Variants in PPP2R2C observed in about 807,000 individuals in gnomAD.
PPP2R2C encodes protein phosphatase 2 regulatory subunit Bgamma, also known as protein phosphatase 2, regulatory subunit B, gamma.
In PPP2R2C, 10 loss-of-function variants were observed where a neutral mutation model predicts 45.3. The observed-to-expected ratio is 0.22, with a 90% CI of 0.14 to 0.37. PPP2R2C has a LOEUF of 0.37. PPP2R2C is among the 10% of genes least tolerant of loss of function. The pLI is 1.00. For missense variants in PPP2R2C, 308 were observed against 619.7 expected (o/e 0.50, Z 5.34); for synonymous variants, 257 against 245.4 (o/e 1.05, Z -0.44).
chr4:6,552,206 C>A (rs1375626117), intron 1 of PPP2R2C, among the ~76,000 whole-genome samples: 3 of 152,210 alleles, frequency 2.0e-5, no homozygotes, highest in African/African-American at 7.2e-5. Context: ...CATTTGTTCT[C>A]ATTGTGTAAG....
intron 6 of PPP2R2C, among the ~76,000 whole-genome samples, chr4:6,335,294 G>T: frequency 6.6e-6 from 1 of 152,182 alleles, no homozygotes; most frequent in Non-Finnish European, 1.5e-5. Context: ...GCTGGGGGCT[G>T]GTAGTTTAGG....
intron 1 of PPP2R2C, among the ~76,000 whole-genome samples, chr4:6,438,993 C>T (rs1720023000): frequency 6.6e-6 from 1 of 152,170 alleles, no homozygotes; most frequent in African/African-American, 2.4e-5. Flanking sequence ...GACAAAGGAT[C>T]CTTTCTTATT....
chr4:6,381,630 C>T, intron 1 of PPP2R2C: 4 of 1,493,984 alleles, frequency 2.7e-6, no homozygotes, highest in South Asian at 1.4e-5. Context: ...GTGGCCCCAC[C>T]TCCAGGCAGG....
At chr4:6,474,096 TTTG>T (rs1415288647), upstream of PPP2R2C, among the ~76,000 whole-genome samples, 3 of 149,154 alleles carry the variant, frequency 2.0e-5, no homozygotes, top group South Asian at 2.2e-4. Flanking sequence ...GTGCTTGTTC[TTTG>T]TCACTTTCTA....
At chr4:6,350,490 C>T in intron 5 of PPP2R2C, 1 of 985,440 alleles carries the variant, frequency 1.0e-6, no homozygotes, top group South Asian at 4.7e-5. Flanking sequence ...GGCTTGGTGG[C>T]AACAGAAGCG....
rs768934745 is a variant in PPP2R2C, at chr4:6,323,611, G to A, written c.1053-18C>T. ...TGATGACGCTGGTGGGAGAAGGAGAGGCATCAGGTGAGGAGGAGCACAAGC... is the reference window on the plus strand; with the variant it reads ...TGATGACGCTGGTGGGAGAAGGAGAAGCATCAGGTGAGGAGGAGCACAAGC... On this transcript the variant is annotated intron_variant, in intron 8 of 8. Coordinates refer to ENST00000382599, the MANE Select transcript of PPP2R2C (RefSeq NM_020416.4). The A allele has an allele frequency of 7.8e-6, 12 of 1,532,870 alleles. No homozygotes were observed. The highest frequency in any genetic ancestry group is 2.7e-5 in the African/African-American group (2 of 73,214). The allele number at this position is 1,532,870 out of a possible 1,614,324, so 95.0% of individuals were successfully genotyped here.
At chr4:6,351,299 C>A (rs1712529556) in intron 5 of PPP2R2C, 7 of 857,460 alleles carry the variant, frequency 8.2e-6, no homozygotes. Flanking sequence ...GGTGACAGAG[C>A]AAGACTCCAT....
chr4:6,450,345 C>A (rs947766181), intron 1 of PPP2R2C, among the ~76,000 whole-genome samples: 1 of 152,210 alleles, frequency 6.6e-6, no homozygotes, highest in Non-Finnish European at 1.5e-5. Context: ...CTCGCTGGTC[C>A]TCAGTGCCTC....
At chr4:6,498,381 A>T (rs1187372830) in intron 2 of PPP2R2C, among the ~76,000 whole-genome samples, 1 of 152,250 alleles carries the variant, frequency 6.6e-6, no homozygotes, top group East Asian at 1.9e-4. Flanking sequence ...CTCAGAGAAT[A>T]GTAGGCTCAA....
intron 1 of PPP2R2C, among the ~76,000 whole-genome samples, chr4:6,554,974 A>AGAAGAG (rs200215393): frequency 7.1e-5 from 6 of 84,760 alleles, no homozygotes; most frequent in Admixed American, 2.7e-4. Flanking sequence ...AAAGAGAAAG[A>AGAAGAG]AAGAAAAGAG....
At chr4:6,508,441 T>C (rs181718758) in intron 2 of PPP2R2C, among the ~76,000 whole-genome samples, 4 of 151,972 alleles carry the variant, frequency 2.6e-5, no homozygotes, top group African/African-American at 7.2e-5. Context: ...AAAAAAAAAT[T>C]AGCTGGGCAT....
At position 6,375,788 on chromosome 4, in the gene PPP2R2C, G is replaced by A. The variant is rs186033643; in HGVS notation, c.447+31C>T. ...AAATCCTCAGGTGTAATAAAGAGGC[G>A]TGTGCCTGCTTCCCCCTCACCGGAG... On this transcript the variant is annotated intron_variant, in intron 4 of 8. Coordinates refer to ENST00000382599, the MANE Select transcript of PPP2R2C (RefSeq NM_020416.4). The A allele has an allele frequency of 6.3e-5, 95 of 1,513,568 alleles. 1 individual carries two copies. Among genetic ancestry groups the A allele is most frequent in the East Asian group, 6.1e-4 (27 of 44,102 alleles). The allele number at this position is 1,513,568 out of a possible 1,614,324, so 93.8% of individuals were successfully genotyped here.
chr4:6,496,810 G>A (rs933384910), intron 2 of PPP2R2C, among the ~76,000 whole-genome samples: 3 of 151,840 alleles, frequency 2.0e-5, no homozygotes, highest in Non-Finnish European at 4.4e-5. Flanking sequence ...GCAGTGAGCC[G>A]AGATTGCGCC....
chr4:6,399,017 C>T (rs999920112), intron 1 of PPP2R2C, among the ~76,000 whole-genome samples: 1 of 152,192 alleles, frequency 6.6e-6, no homozygotes, highest in Non-Finnish European at 1.5e-5. Context: ...TGACTCTATT[C>T]ATATGAAATT....
intron 1 of PPP2R2C, chr4:6,383,370 G>T (rs186685022): frequency 1.6e-6 from 2 of 1,289,834 alleles, no homozygotes; most frequent in Non-Finnish European, 2.0e-6. Flanking sequence ...TATGCACGGG[G>T]TCTCGTGTTT....
intron 2 of PPP2R2C, among the ~76,000 whole-genome samples, chr4:6,493,328 A>AGAC (rs922900687): frequency 1.3e-5 from 2 of 151,528 alleles, no homozygotes; most frequent in Non-Finnish European, 2.9e-5. Context: ...TGTCTCCCTC[A>AGAC]ATCAGAATGT....
At chr4:6,360,612 G>T (rs1161228638) in intron 5 of PPP2R2C, among the ~76,000 whole-genome samples, 1 of 152,218 alleles carries the variant, frequency 6.6e-6, no homozygotes, top group Non-Finnish European at 1.5e-5. Context: ...GCCGGATGCG[G>T]AGGTGCCCTA....
chr4:6,408,348 C>G (rs1717936560), intron 1 of PPP2R2C, among the ~76,000 whole-genome samples: 1 of 152,168 alleles, frequency 6.6e-6, no homozygotes, highest in South Asian at 2.1e-4. Flanking sequence ...CCTAACTACC[C>G]CCGGTACAGG....
At chr4:6,495,583 A>G (rs1722855432) in intron 2 of PPP2R2C, among the ~76,000 whole-genome samples, 1 of 152,220 alleles carries the variant, frequency 6.6e-6, no homozygotes, top group Admixed American at 6.5e-5. Flanking sequence ...CAGTGATTCC[A>G]AGAGAAAGCA....
Sources: gnomAD v4.1 joint callset for allele counts (sites outside exome capture counted in the v4.1 genomes callset) on GRCh38, gnomAD v4.1.1 for gene constraint, MANE v1.5 for transcripts, NCBI Gene and HGNC (gene_info 2026-07-23, HGNC 2026-07-21) for gene names.